Variants in PTPRD observed in about 807,000 individuals in gnomAD.
The protein encoded by PTPRD is protein tyrosine phosphatase receptor type D, also known as receptor-type tyrosine-protein phosphatase delta.
In PTPRD, 34 loss-of-function variants were observed where a neutral mutation model predicts 214.5. That is an observed-to-expected ratio of 0.16 (90% CI 0.12 to 0.21). The LOEUF (loss-of-function observed/expected upper bound fraction) is 0.21. Ranked by LOEUF, PTPRD falls within the 10% of genes least tolerant of loss-of-function variation. PTPRD has a pLI of 1.00. For missense variants in PTPRD, 2,545 were observed against 2,398.7 expected, an observed-to-expected ratio of 1.06 and a Z score of -1.27; for synonymous variants, 1,128 against 845.7, an observed-to-expected ratio of 1.33 and a Z score of -5.79.
chr9:8,374,539 A>G (rs2082648639), intron 39 of PTPRD, among the ~76,000 whole-genome samples: 1 of 152,038 alleles, frequency 6.6e-6, no homozygotes. Flanking sequence ...GATGTAGGGA[A>G]ACAAGAATCT....
intron 3 of PTPRD, among the ~76,000 whole-genome samples, chr9:10,183,231 T>G (rs1463264238): frequency 6.6e-6 from 1 of 152,116 alleles, no homozygotes; most frequent in Admixed American, 6.6e-5. Context: ...GGAGATATAC[T>G]AAATATATTA....
At chr9:10,317,336 C>A (rs2096461308) in intron 3 of PTPRD, among the ~76,000 whole-genome samples, 2 of 151,816 alleles carry the variant, frequency 1.3e-5, no homozygotes, top group Admixed American at 1.3e-4. Context: ...TGAAACCATG[C>A]AGATTATGTT....
chr9:9,705,111 G>T (rs1035590620), intron 7 of PTPRD, among the ~76,000 whole-genome samples: 2 of 152,102 alleles, frequency 1.3e-5, no homozygotes, highest in East Asian at 1.9e-4. Context: ...AGCACTTCAC[G>T]TGAAGCTAGA....
chr9:8,323,496 G>A (rs950063825), intron 44 of PTPRD, among the ~76,000 whole-genome samples: 1 of 152,148 alleles, frequency 6.6e-6, no homozygotes, highest in South Asian at 2.1e-4. Flanking sequence ...CACGGGAGAA[G>A]ATCAAATTAT....
intron 12 of PTPRD, among the ~76,000 whole-genome samples, chr9:8,731,992 T>C (rs1317202438): frequency 6.6e-6 from 1 of 152,182 alleles, no homozygotes; most frequent in Non-Finnish European, 1.5e-5. Context: ...TCACAAAACA[T>C]ACAGCATGAT....
At chr9:10,255,471 A>G (rs934488488) in intron 3 of PTPRD, among the ~76,000 whole-genome samples, 1 of 152,232 alleles carries the variant, frequency 6.6e-6, no homozygotes, top group Non-Finnish European at 1.5e-5. Context: ...TAAAAGTGAT[A>G]CACCTGCATA....
chr9:8,748,501 C>T (rs2093108402), intron 11 of PTPRD, among the ~76,000 whole-genome samples: 1 of 115,366 alleles, frequency 8.7e-6, no homozygotes, highest in African/African-American at 3.2e-5. Flanking sequence ...TTCTATTTCA[C>T]TCTATTAAAT....
chr9:8,789,630 G>C (rs75869145), intron 11 of PTPRD, among the ~76,000 whole-genome samples: 3,562 of 152,192 alleles, frequency 0.023, 46 homozygotes, highest in Admixed American at 0.037. Context: ...TTTAGAAACA[G>C]TAGAGCAATT....
intron 7 of PTPRD, among the ~76,000 whole-genome samples, chr9:9,660,229 A>G (rs1403081552): frequency 6.6e-6 from 1 of 152,032 alleles, no homozygotes; most frequent in African/African-American, 2.4e-5. Context: ...ATATTATTTT[A>G]GGTGACATCG....
chr9:9,740,687 G>C (rs1368207696), intron 6 of PTPRD, among the ~76,000 whole-genome samples: 1 of 152,056 alleles, frequency 6.6e-6, no homozygotes. Context: ...TTCTTTCTAA[G>C]TAGGTTTTGT....
chr9:9,448,088 G>T (rs759405870), intron 8 of PTPRD, among the ~76,000 whole-genome samples: 1 of 152,050 alleles, frequency 6.6e-6, no homozygotes, highest in Non-Finnish European at 1.5e-5. Flanking sequence ...AGGTTTTGGA[G>T]AAGAAAGGAA....
At chr9:9,308,070 C>A (rs1957692498) in intron 9 of PTPRD, among the ~76,000 whole-genome samples, 1 of 152,078 alleles carries the variant, frequency 6.6e-6, no homozygotes. Context: ...GAGCTTATAG[C>A]CTGTGAACAA....
intron 3 of PTPRD, among the ~76,000 whole-genome samples, chr9:10,134,741 G>A (rs997378926): frequency 1.1e-4 from 17 of 152,128 alleles, no homozygotes; most frequent in African/African-American, 3.1e-4. Flanking sequence ...AAGCAACTGC[G>A]AAAAGATAAG....
intron 2 of PTPRD, among the ~76,000 whole-genome samples, chr9:10,507,997 T>A (rs1276391675): frequency 6.6e-6 from 1 of 152,090 alleles, no homozygotes; most frequent in Non-Finnish European, 1.5e-5. Context: ...GAAACTACCA[T>A]CAGAGTGAAC....
Position 8,586,742 on chromosome 9 carries a change from G to A in PTPRD, c.352+46575C>T, listed in dbSNP as rs937285012. On this transcript the variant is annotated intron_variant, in intron 14 of 45. Coordinates refer to ENST00000381196, the MANE Select transcript of PTPRD (RefSeq NM_002839.4). ...TACCCACACATTTGCCAACGGCATTGCTAGACCAAGTATGTTCTTAAATAT... is the reference window on the plus strand; with the variant it reads ...TACCCACACATTTGCCAACGGCATTACTAGACCAAGTATGTTCTTAAATAT... 3.3e-5 allele frequency among the ~76,000 whole-genome samples: 5 copies of A among 152,158 alleles called. 1 individual carries two copies. The highest frequency in any genetic ancestry group is 1.2e-4 in the African/African-American group (5 of 41,432).
At chr9:9,610,403 C>A (rs2094454736) in intron 7 of PTPRD, among the ~76,000 whole-genome samples, 1 of 152,138 alleles carries the variant, frequency 6.6e-6, no homozygotes. Flanking sequence ...ACTAGCAAAG[C>A]AATAATATCA....
chr9:8,663,404 G>A (rs2154356455), intron 12 of PTPRD, among the ~76,000 whole-genome samples: 1 of 150,864 alleles, frequency 6.6e-6, no homozygotes, highest in East Asian at 1.9e-4. Context: ...AAATATCACT[G>A]TCACTGAATG....
chr9:9,715,427 T>G (rs1351413051), intron 7 of PTPRD, among the ~76,000 whole-genome samples: 4 of 152,062 alleles, frequency 2.6e-5, no homozygotes, highest in Non-Finnish European at 5.9e-5. Context: ...TTTCATAACA[T>G]TAGTGATAGA....
chr9:8,718,557 T>G (rs1364703490), intron 12 of PTPRD, among the ~76,000 whole-genome samples: 1 of 152,210 alleles, frequency 6.6e-6, no homozygotes, highest in Non-Finnish European at 1.5e-5. Flanking sequence ...CTCTTTCCCC[T>G]GAGAGTTTAC....
Sources: gnomAD v4.1 joint callset for allele counts (sites outside exome capture counted in the v4.1 genomes callset) on GRCh38, gnomAD v4.1.1 for gene constraint, MANE v1.5 for transcripts, NCBI Gene and HGNC (gene_info 2026-07-23, HGNC 2026-07-21) for gene names.